Variants in TXNRD3 observed in about 807,000 individuals in gnomAD.
The protein encoded by TXNRD3 is TXNRD3 neighbor gene protein.
TXNRD3 carries 68 observed loss-of-function variants against 78.2 expected under a neutral mutation model. The observed-to-expected ratio is 0.87, with a 90% CI of 0.72 to 1.06. The LOEUF (loss-of-function observed/expected upper bound fraction) is 1.06. Ranked by LOEUF, TXNRD3 falls within the 50% of genes least tolerant of loss-of-function variation. The pLI is 0.00. For missense variants in TXNRD3, 751 were observed against 809.5 expected (o/e 0.93, Z 0.88); for synonymous variants, 296 against 300.1 (o/e 0.99, Z 0.14).
At position 126,643,990 on chromosome 3, in the gene TXNRD3, T is replaced by C; in HGVS notation, c.583A>G (p.Thr195Ala). 1 of 1,535,672 alleles carries C rather than the reference T, an allele frequency of 6.5e-7. No homozygotes were observed. Among genetic ancestry groups the C allele is most frequent in the Non-Finnish European group, 8.7e-7 (1 of 1,146,764 alleles). ...GAGAAAAACAACTTACCCCAGGATG[T>C]GCCCTGAGGTGACGGGACAACAAAG... Residue 195 changes from threonine to alanine, a missense_variant, in exon 5 of 16, where the codon ACA becomes GCA. Transcript: ENST00000524230.
chr3:126,649,273 C>T (rs1025961821), intron 1 of TXNRD3, among the ~76,000 whole-genome samples: 3 of 152,050 alleles, frequency 2.0e-5, no homozygotes, highest in African/African-American at 7.2e-5. Flanking sequence ...TTTAGTGAAA[C>T]GTGAATCAAA....
At position 126,608,290 on chromosome 3, in the gene TXNRD3, G is replaced by A. The variant is rs113511666; in HGVS notation, c.1863+209C>T. Among the ~76,000 whole-genome samples, 626 of 152,312 alleles carry A rather than the reference G, an allele frequency of 4.1e-3. 1 individual carries two copies. Among genetic ancestry groups the A allele is most frequent in the Non-Finnish European group, 6.9e-3 (467 of 68,022 alleles). ...GCGGGAGAATCACTTGCACCTGGGA[G>A]GTGGAGGTTGCAGTGAGTCAAGATC... On this transcript the variant is annotated intron_variant, in intron 15 of 15. Coordinates refer to ENST00000524230, the MANE Select transcript of TXNRD3 (RefSeq NM_052883.3).
intron 6 of TXNRD3, among the ~76,000 whole-genome samples, chr3:126,636,519 A>G (rs781221583): frequency 6.6e-6 from 1 of 152,194 alleles, no homozygotes; most frequent in Non-Finnish European, 1.5e-5. Context: ...AGGAATGGGT[A>G]TGAGATTTGT....
chr3:126,634,032 T>G lies in TXNRD3; in HGVS notation c.732A>C (p.Thr244=), dbSNP rs750402189. 50 of 1,514,074 alleles carry G rather than the reference T, an allele frequency of 3.3e-5. 1 individual carries two copies. The Middle Eastern group carries it at 3.6e-3, about 108-fold the overall frequency. 93.8% of individuals were successfully genotyped at this position (1,514,074 alleles called of 1,614,324 possible). ...TGTGGTTCTGAATCGCTTTTGTCAT[T>G]GTCTCCCAGTTGTGCCTCACTAAGA... Residue 244 remains threonine (T), a synonymous_variant, in exon 7 of 16, where the codon ACA becomes ACC. Coordinates refer to ENST00000524230, the MANE Select transcript of TXNRD3 (RefSeq NM_052883.3).
rs530263026 is a variant in TXNRD3, at chr3:126,652,082, G to C, written c.243+2666C>G. On this transcript the variant is annotated intron_variant, in intron 1 of 15. Transcript: ENST00000524230. The stretch of plus-strand genomic sequence containing the variant: ...GAGACTGGGTAATATATAAAGAAAA[G>C]AGGTTTAATTGGCTCACGGTTCTGT... 2.0e-5 allele frequency among the ~76,000 whole-genome samples: 3 copies of C among 152,276 alleles called. No homozygotes were observed. In the East Asian group the frequency reaches 5.8e-4, roughly 29 times the overall value.
chr3:126,634,047 CCTCA>C lies in TXNRD3; in HGVS notation c.713_716del (p.Val238GlyfsTer7). 1 of 1,494,600 alleles carries C rather than the reference CCTCA, an allele frequency of 6.7e-7. No homozygotes were observed. The allele number at this position is 1,494,600 out of a possible 1,614,324, so 92.6% of individuals were successfully genotyped here. A position where few individuals can be genotyped will look rare whatever the true frequency, so the allele number is the denominator to read the frequency against. ...CTTTTGTCATTGTCTCCCAGTTGTG[CCTCA>C]CTAAGAAGAAATAATCAGGGTGAAG... On this transcript the variant is annotated frameshift_variant and splice_region_variant, in exon 7 of 16. Coordinates refer to ENST00000524230, the MANE Select transcript of TXNRD3 (RefSeq NM_052883.3). LOFTEE classifies it high-confidence loss of function.
At chr3:126,641,160 T>C (rs1315489959) in intron 6 of TXNRD3, among the ~76,000 whole-genome samples, 2 of 152,254 alleles carry the variant, frequency 1.3e-5, no homozygotes, top group Non-Finnish European at 2.9e-5. Flanking sequence ...AATAGTTTAC[T>C]ATGGCACACA....
At position 126,608,499 on chromosome 3, in the gene TXNRD3, C is replaced by A. The variant is rs1286102904; in HGVS notation, c.1863G>T (p.Glu621Asp). ...ATTTTTAAAACCTCCTGTTTCCTACCTCCCCACATGTGGGGTGAATTCCAA... is the reference window on the plus strand; with the variant it reads ...ATTTTTAAAACCTCCTGTTTCCTACATCCCCACATGTGGGGTGAATTCCAA... The change falls in exon 15 of 16, where the codon GAG (glutamate) becomes GAT (aspartate). Residue 621 changes from glutamate (E) to aspartate (D), a missense_variant and splice_region_variant. By Grantham distance (45) the Glu-to-Asp change is conservative. Transcript: ENST00000524230. The A allele has an allele frequency of 3.9e-6, 6 of 1,527,540 alleles. No homozygotes were observed. Among genetic ancestry groups the A allele is most frequent in the Non-Finnish European group, 5.2e-6 (6 of 1,144,008 alleles). 94.6% of individuals were successfully genotyped at this position (1,527,540 alleles called of 1,614,324 possible).
chr3:126,614,170 T>C (rs1406626132), intron 13 of TXNRD3, among the ~76,000 whole-genome samples: 1 of 152,206 alleles, frequency 6.6e-6, no homozygotes, highest in African/African-American at 2.4e-5. Flanking sequence ...AGCTCTACAA[T>C]GTGTTTGTGT....
intron 14 of TXNRD3, 77 bp from the exon 15 acceptor site, chr3:126,608,710 C>T: frequency 7.1e-7 from 1 of 1,417,746 alleles, no homozygotes; most frequent in South Asian, 1.5e-5. Context: ...TGCAAATTCA[C>T]AGTTAAAATA....
At chr3:126,631,539 G>A (rs1408940025) in intron 8 of TXNRD3, among the ~76,000 whole-genome samples, 1 of 151,832 alleles carries the variant, frequency 6.6e-6, no homozygotes, top group Non-Finnish European at 1.5e-5. Context: ...AGGAATCACC[G>A]AGACACACAC....
chr3:126,609,882 A>G (rs1007544388), intron 14 of TXNRD3, among the ~76,000 whole-genome samples: 17 of 152,154 alleles, frequency 1.1e-4, no homozygotes, highest in African/African-American at 3.9e-4. Context: ...AGAGGGTAAC[A>G]ATGTGTACAG....
chr3:126,642,082 C>A lies in TXNRD3; in HGVS notation c.662G>T (p.Gly221Val). 1 of 1,535,864 alleles carries A rather than the reference C, an allele frequency of 6.5e-7. No homozygotes were observed. ...TTTCCTTGAGTCACATAATGCCTGC[C>A]CCAAAAGGGCAGCCTGATGCATCAA... Residue 221 changes from glycine to valine, a missense_variant, in exon 6 of 16, where the codon GGG becomes GTG. Coordinates refer to ENST00000524230, the MANE Select transcript of TXNRD3 (RefSeq NM_052883.3).
At chr3:126,617,757 A>T (rs1342492239) in intron 12 of TXNRD3, among the ~76,000 whole-genome samples, 1 of 152,212 alleles carries the variant, frequency 6.6e-6, no homozygotes, top group Non-Finnish European at 1.5e-5. Context: ...AATAATGGGC[A>T]CCCAAACTGG....
chr3:126,616,682 T>A (rs942877367), intron 12 of TXNRD3, among the ~76,000 whole-genome samples: 30 of 152,220 alleles, frequency 2.0e-4, no homozygotes, highest in African/African-American at 6.7e-4. Context: ...CCTCTGTGAT[T>A]CTACCTATTA....
intron 6 of TXNRD3, among the ~76,000 whole-genome samples, chr3:126,637,008 G>T (rs1243943419): frequency 6.6e-6 from 1 of 151,902 alleles, no homozygotes; most frequent in Non-Finnish European, 1.5e-5. Flanking sequence ...ATGTGGCCGA[G>T]GGAAGTCAAA....
At chr3:126,612,596 A>G (rs1223003582) in intron 13 of TXNRD3, among the ~76,000 whole-genome samples, 2 of 152,142 alleles carry the variant, frequency 1.3e-5, no homozygotes, top group African/African-American at 4.8e-5. Flanking sequence ...GGTTTTAAAC[A>G]TGATTTTTAA....
chr3:126,619,437 T>C (rs544221768), intron 12 of TXNRD3, among the ~76,000 whole-genome samples: 1 of 152,276 alleles, frequency 6.6e-6, no homozygotes, highest in African/African-American at 2.4e-5. Context: ...AGACATTGTA[T>C]TAAGTGAAAT....
chr3:126,629,118 T>C (rs1938649174), intron 10 of TXNRD3, among the ~76,000 whole-genome samples: 1 of 152,134 alleles, frequency 6.6e-6, no homozygotes, highest in Non-Finnish European at 1.5e-5. Context: ...ATATCTAATT[T>C]TCCAAAAGTA....
Sources: gnomAD v4.1 joint callset for allele counts (sites outside exome capture counted in the v4.1 genomes callset) on GRCh38, gnomAD v4.1.1 for gene constraint, MANE v1.5 for transcripts, NCBI Gene and HGNC (gene_info 2026-07-23, HGNC 2026-07-21) for gene names.